The following FARP1 variants were observed in gnomAD, a reference collection of about 807,000 sequenced individuals.
FARP1 encodes the protein FERM, ARHGEF and pleckstrin domain-containing protein 1.
A neutral mutation model predicts 128.8 loss-of-function variants in FARP1; 52 were observed. That is an observed-to-expected ratio of 0.40 (90% CI 0.32 to 0.51). FARP1 has a LOEUF of 0.51. FARP1 is among the 20% of genes least tolerant of loss of function. The pLI, the probability that FARP1 is intolerant of heterozygous loss-of-function variation, is 0.45. For synonymous variants in FARP1, 580 were observed against 551.8 expected, an observed-to-expected ratio of 1.05 and a Z score of -0.72; for missense variants, 1,333 against 1,367.9, an observed-to-expected ratio of 0.97 and a Z score of 0.40.
At chr13:98,208,737 G>A (rs1308327380) in intron 1 of FARP1, 1 of 152,730 alleles carries the variant, frequency 6.5e-6, no homozygotes, top group South Asian at 2.1e-4. Context: ...TCGATGGAAG[G>A]ACACGCCCTT....
At chr13:98,217,214 GAC>G (rs1190866556) in intron 2 of FARP1, among the ~76,000 whole-genome samples, 6 of 152,270 alleles carry the variant, frequency 3.9e-5, no homozygotes, top group East Asian at 1.9e-4. Context: ...GAGGAAATAA[GAC>G]ACAGCCATTT....
At chr13:98,291,502 A>G (rs1312367169) in intron 2 of FARP1, among the ~76,000 whole-genome samples, 6 of 152,202 alleles carry the variant, frequency 3.9e-5, no homozygotes, top group Non-Finnish European at 5.9e-5. Flanking sequence ...CATCGTGGGC[A>G]GAGTTAGCTG....
intron 19 of FARP1, chr13:98,436,179 A>G (rs1452216176): frequency 4.6e-6 from 1 of 217,434 alleles, no homozygotes; most frequent in African/African-American, 2.4e-5. Flanking sequence ...TAAAATACCA[A>G]ATCTTAGCTG....
chr13:98,280,893 A>G (rs1227636963), intron 2 of FARP1, among the ~76,000 whole-genome samples: 1 of 152,252 alleles, frequency 6.6e-6, no homozygotes, highest in Non-Finnish European at 1.5e-5. Flanking sequence ...GAGAAAAGCA[A>G]AAATACAGAG....
At chr13:98,327,754 A>G (rs1395404280) in intron 2 of FARP1, among the ~76,000 whole-genome samples, 2 of 152,194 alleles carry the variant, frequency 1.3e-5, no homozygotes, top group African/African-American at 4.8e-5. Context: ...AGGATGAGAC[A>G]GTTTGTAAAT....
chr13:98,259,310 G>A (rs1352412792), intron 2 of FARP1, among the ~76,000 whole-genome samples: 2 of 148,942 alleles, frequency 1.3e-5, no homozygotes, highest in African/African-American at 5.2e-5. Flanking sequence ...TCTATATAGA[G>A]TGTACATATC....
chr13:98,213,176 G>A (rs1461697255), intron 1 of FARP1, 44 bp from the exon 2 acceptor site: 7 of 1,510,890 alleles, frequency 4.6e-6, no homozygotes, highest in Non-Finnish European at 6.3e-6. Context: ...TTGGGTGGTA[G>A]TCTCCTATTC....
intron 2 of FARP1, among the ~76,000 whole-genome samples, chr13:98,301,643 T>C (rs1885929688): frequency 1.3e-5 from 2 of 152,178 alleles, no homozygotes; most frequent in Admixed American, 1.3e-4. Context: ...TTAGAGGGGA[T>C]AGAACCTAAA....
intron 1 of FARP1, among the ~76,000 whole-genome samples, chr13:98,199,224 T>C (rs1879780545): frequency 6.6e-6 from 1 of 151,976 alleles, no homozygotes; most frequent in African/African-American, 2.4e-5. Context: ...AGAACCTTTT[T>C]TCAGGGACTA....
At chr13:98,361,981 G>C (rs185262808) in intron 3 of FARP1, among the ~76,000 whole-genome samples, 1 of 152,094 alleles carries the variant, frequency 6.6e-6, no homozygotes, top group African/African-American at 2.4e-5. Context: ...ACAAGTAAAC[G>C]GGTTGGGCAA....
chr13:98,170,876 G>C (rs1473991123), intron 1 of FARP1, among the ~76,000 whole-genome samples: 2 of 152,136 alleles, frequency 1.3e-5, no homozygotes, highest in African/African-American at 4.8e-5. Flanking sequence ...AATGCGTACT[G>C]ATCTTTGGCT....
chr13:98,296,095 A>T (rs1885672333), intron 2 of FARP1, among the ~76,000 whole-genome samples: 1 of 152,202 alleles, frequency 6.6e-6, no homozygotes, highest in African/African-American at 2.4e-5. Context: ...TTTGGGGATG[A>T]GACCCGAGCA....
Position 98,449,681 on chromosome 13 carries a change from A to AGAT in FARP1, c.*1366_*1368dup, listed in dbSNP as rs1055891605. The AGAT allele has an allele frequency of 6.6e-5, 10 of 152,546 alleles. No homozygotes were observed. The highest frequency in any genetic ancestry group is 2.4e-4 in the African/African-American group (10 of 41,396). 9.4% of individuals were successfully genotyped at this position (152,546 alleles called of 1,614,324 possible). ...CCGTGTGTTAATCATTTGCCTTACAAGATGTACCAGACGGTTTCCAGTACT... is the reference window on the plus strand; with the variant it reads ...CCGTGTGTTAATCATTTGCCTTACAAGATGATGTACCAGACGGTTTCCAGTACT... On this transcript the variant is annotated 3_prime_UTR_variant, in exon 27 of 27. Coordinates refer to ENST00000319562, the MANE Select transcript of FARP1 (RefSeq NM_005766.4).
intron 1 of FARP1, among the ~76,000 whole-genome samples, chr13:98,157,335 A>G (rs1433013842): frequency 4.4e-5 from 6 of 135,476 alleles, no homozygotes; most frequent in Non-Finnish European, 6.3e-5. Flanking sequence ...CCCCTCCCCC[A>G]TGCTAGTCTA....
At chr13:98,164,223 A>G (rs749280490) in intron 1 of FARP1, among the ~76,000 whole-genome samples, 9 of 152,160 alleles carry the variant, frequency 5.9e-5, no homozygotes, top group Non-Finnish European at 8.8e-5. Flanking sequence ...GTTTGCCTCC[A>G]TTTGTTAATT....
At chr13:98,258,510 G>A (rs1188875201) in intron 2 of FARP1, among the ~76,000 whole-genome samples, 1 of 152,146 alleles carries the variant, frequency 6.6e-6, no homozygotes, top group Non-Finnish European at 1.5e-5. Context: ...ATTTGATAAA[G>A]TTTCCAGGAG....
At chr13:98,209,877 G>A (rs1050338669) in intron 1 of FARP1, among the ~76,000 whole-genome samples, 2 of 150,274 alleles carry the variant, frequency 1.3e-5, no homozygotes, top group African/African-American at 4.9e-5. Context: ...AGCTACCCGG[G>A]AGGCTGAGGC....
rs180876640 is a variant in FARP1, at chr13:98,149,856, G to C, written c.-24+6364G>C. On this transcript the variant is annotated intron_variant, in intron 1 of 26. Coordinates refer to ENST00000319562, the MANE Select transcript of FARP1 (RefSeq NM_005766.4). ...AGGTTCACACCATTCTCCTGCCTCA[G>C]CCTCCCGAGTAGCTGGGTCTACAGG... Among the ~76,000 whole-genome samples the C allele has an allele frequency of 7.1e-3, 1,025 of 144,184 alleles. 8 individuals carry two copies. The highest frequency in any genetic ancestry group is 0.012 in the Non-Finnish European group (792 of 66,928). The allele number at this position is 144,184 out of a possible 152,430, so 94.6% of individuals were successfully genotyped here.
chr13:98,296,625 T>C (rs560399211), intron 2 of FARP1, among the ~76,000 whole-genome samples: 21 of 152,036 alleles, frequency 1.4e-4, no homozygotes, highest in African/African-American at 5.1e-4. Context: ...TCTGAAGTTC[T>C]GAGCCACATT....
Sources: allele counts gnomAD v4.1 joint callset (sites outside exome capture counted in the v4.1 genomes callset), GRCh38; gene constraint gnomAD v4.1.1; transcripts MANE v1.5; gene names NCBI Gene and HGNC (gene_info 2026-07-23, HGNC 2026-07-21).